Variants in STAG1 observed in about 807,000 individuals in gnomAD.
The protein encoded by STAG1 is cohesin subunit SA-1.
STAG1 carries 26 observed loss-of-function variants against 170.9 expected under a neutral mutation model. The observed-to-expected ratio is 0.15, with a 90% CI of 0.11 to 0.21. The LOEUF (loss-of-function observed/expected upper bound fraction) is 0.21, where lower values mean the gene tolerates loss of function less well. Among genes scored for constraint, STAG1 ranks in the 10% least tolerant of loss-of-function variants. The probability of loss-of-function intolerance (pLI) is 1.00; values close to 1 mark genes in which losing one functional copy is unlikely to be tolerated. For missense variants in STAG1, 964 were observed against 1,509.5 expected (o/e 0.64, Z 5.99); for synonymous variants, 514 against 497.7 (o/e 1.03, Z -0.44).
chr3:136,595,554 G>A (rs1313690640), intron 4 of STAG1, among the ~76,000 whole-genome samples: 3 of 151,874 alleles, frequency 2.0e-5, no homozygotes, highest in Non-Finnish European at 4.4e-5. Context: ...GCGGGCGCCT[G>A]CAGTCCCAGC....
intron 7 of STAG1, among the ~76,000 whole-genome samples, chr3:136,514,439 T>C (rs1177276509): frequency 1.3e-5 from 2 of 152,174 alleles, no homozygotes; most frequent in Non-Finnish European, 2.9e-5. Context: ...TGTAGAGACA[T>C]AGGAATGCTT....
chr3:136,434,479 G>A (rs2088397645), intron 15 of STAG1, among the ~76,000 whole-genome samples: 2 of 152,046 alleles, frequency 1.3e-5, no homozygotes, highest in African/African-American at 4.8e-5. Flanking sequence ...CCTAAGATTT[G>A]TCTATGTTTA....
intron 5 of STAG1, among the ~76,000 whole-genome samples, chr3:136,558,420 A>G (rs1039527477): frequency 6.6e-6 from 1 of 152,192 alleles, no homozygotes; most frequent in Non-Finnish European, 1.5e-5. Context: ...AATCTTACAA[A>G]ACAATAAAGG....
intron 9 of STAG1, among the ~76,000 whole-genome samples, chr3:136,491,901 A>T (rs897881648): frequency 1.2e-4 from 16 of 128,730 alleles, no homozygotes; most frequent in African/African-American, 5.4e-4. Flanking sequence ...CTGAGGCAGG[A>T]GAATCACCTG....
chr3:136,449,904 T>TG (rs2088889462), intron 14 of STAG1, among the ~76,000 whole-genome samples: 3 of 150,470 alleles, frequency 2.0e-5, no homozygotes, highest in African/African-American at 7.3e-5. Flanking sequence ...TTGTTGCTTT[T>TG]TTTTTTTTTT....
intron 13 of STAG1, among the ~76,000 whole-genome samples, chr3:136,464,089 A>T (rs1559818020): frequency 6.6e-6 from 1 of 151,932 alleles, no homozygotes; most frequent in Admixed American, 6.6e-5. Context: ...AACTATATAT[A>T]TATAAAACTT....
At chr3:136,529,134 A>G (rs1291218398) in intron 6 of STAG1, among the ~76,000 whole-genome samples, 2 of 152,132 alleles carry the variant, frequency 1.3e-5, no homozygotes, top group Admixed American at 1.3e-4. Context: ...ATAAAGAAAA[A>G]TGAACTATGC....
intron 6 of STAG1, among the ~76,000 whole-genome samples, chr3:136,534,370 A>C (rs1935521309): frequency 1.3e-5 from 2 of 152,190 alleles, no homozygotes; most frequent in Non-Finnish European, 2.9e-5. Context: ...AAGACATCAA[A>C]AGCACAGACA....
At chr3:136,381,871 T>G (rs1020745983) in intron 22 of STAG1, among the ~76,000 whole-genome samples, 6 of 152,210 alleles carry the variant, frequency 3.9e-5, no homozygotes, top group Non-Finnish European at 1.5e-5. Flanking sequence ...TCTATGTTAC[T>G]CTGATTCTGC....
At chr3:136,555,766 C>A (rs1466475554) in intron 5 of STAG1, among the ~76,000 whole-genome samples, 6 of 151,418 alleles carry the variant, frequency 4.0e-5, no homozygotes, top group African/African-American at 1.2e-4. Context: ...AGCTTGAAAT[C>A]ATCCAACAAA....
In STAG1 at chr3:136,338,246, T is replaced by C; in HGVS notation, c.*8A>G. On this transcript the variant is annotated 3_prime_UTR_variant, in exon 34 of 34. Coordinates refer to ENST00000383202, the MANE Select transcript of STAG1 (RefSeq NM_005862.3). ...TAGAGTTCCAGATTTGTAAATTTTC[T>C]TCAGACTTCAGAACATAGGCATTCC... is the stretch of plus-strand genomic sequence containing the variant. 1 of 1,596,886 alleles carries C rather than the reference T, an allele frequency of 6.3e-7. No homozygotes were observed. The highest frequency in any genetic ancestry group is 8.6e-7 in the Non-Finnish European group (1 of 1,166,438).
intron 9 of STAG1, among the ~76,000 whole-genome samples, chr3:136,487,845 T>C (rs2090047563): frequency 6.6e-6 from 1 of 152,220 alleles, no homozygotes. Flanking sequence ...GCTAAGTGAC[T>C]GTTTTGTTCT....
At chr3:136,507,268 G>GT (rs1405968511) in intron 7 of STAG1, among the ~76,000 whole-genome samples, 1 of 152,138 alleles carries the variant, frequency 6.6e-6, no homozygotes, top group Non-Finnish European at 1.5e-5. Flanking sequence ...TTAGAAAAAC[G>GT]TAAGAAACTG....
At chr3:136,395,606 A>G (rs761995851) in intron 22 of STAG1, among the ~76,000 whole-genome samples, 18 of 152,320 alleles carry the variant, frequency 1.2e-4, no homozygotes, top group Non-Finnish European at 1.9e-4. Context: ...CCTAGGTGAC[A>G]GAGTGAGACT....
intron 7 of STAG1, among the ~76,000 whole-genome samples, chr3:136,520,934 G>C (rs1934639622): frequency 6.6e-6 from 1 of 152,084 alleles, no homozygotes; most frequent in Admixed American, 6.6e-5. Flanking sequence ...ATTTGGCCTA[G>C]TGGTCTCTTA....
chr3:136,710,747 T>C (rs1038484576), intron 1 of STAG1, among the ~76,000 whole-genome samples: 1 of 151,920 alleles, frequency 6.6e-6, no homozygotes, highest in Admixed American at 6.6e-5. Flanking sequence ...CATGAATAGA[T>C]TAAAACCATA....
intron 23 of STAG1, among the ~76,000 whole-genome samples, chr3:136,375,076 A>G (rs929642071): frequency 5.3e-5 from 8 of 152,214 alleles, no homozygotes; most frequent in Non-Finnish European, 8.8e-5. Flanking sequence ...GGTAGGCAAT[A>G]CCATTTGTTT....
intron 1 of STAG1, among the ~76,000 whole-genome samples, chr3:136,709,218 A>G (rs769912518): frequency 6.6e-6 from 1 of 151,670 alleles, no homozygotes; most frequent in African/African-American, 2.4e-5. Context: ...TGAACCCGAG[A>G]GGTGGAGGCT....
At chr3:136,666,535 C>T (rs1234210288) in intron 1 of STAG1, among the ~76,000 whole-genome samples, 2 of 151,994 alleles carry the variant, frequency 1.3e-5, no homozygotes, top group African/African-American at 4.8e-5. Flanking sequence ...CTGTTTGATA[C>T]GACTGGGCGC....
Sources: gnomAD v4.1 joint callset for allele counts (sites outside exome capture counted in the v4.1 genomes callset) on GRCh38, gnomAD v4.1.1 for gene constraint, MANE v1.5 for transcripts, NCBI Gene and HGNC (gene_info 2026-07-23, HGNC 2026-07-21) for gene names.